OGFOD1: variants seen among roughly 807,000 people sequenced by gnomAD.
The protein encoded by OGFOD1 is 2-oxoglutarate and iron dependent oxygenase domain containing 1, also known as prolyl 3-hydroxylase OGFOD1.
In OGFOD1, 54 loss-of-function variants were observed where a neutral mutation model predicts 67.7. That is an observed-to-expected ratio of 0.80 (90% CI 0.64 to 1.00). The LOEUF is 1.00. Among genes scored for constraint, OGFOD1 ranks in the 50% least tolerant of loss-of-function variants. OGFOD1 has a pLI of 0.00. For missense variants in OGFOD1, 606 were observed against 646.7 expected (o/e 0.94, Z 0.68); for synonymous variants, 221 against 227.0 (o/e 0.97, Z 0.24).
intron 3 of OGFOD1, among the ~76,000 whole-genome samples, chr16:56,461,253 A>C (rs1252357466): frequency 2.0e-5 from 3 of 152,200 alleles, no homozygotes; most frequent in Admixed American, 6.5e-5. Flanking sequence ...ACTAATAGCC[A>C]ATCACTTAAT....
At chr16:56,454,890 T>C in intron 2 of OGFOD1, 1 of 322,834 alleles carries the variant, frequency 3.1e-6, no homozygotes, top group Non-Finnish European at 6.2e-6. Flanking sequence ...TCTTAATAAT[T>C]CAGAAAGCTG....
intron 2 of OGFOD1, chr16:56,458,334 A>C: frequency 1.8e-6 from 1 of 564,966 alleles, no homozygotes; most frequent in Non-Finnish European, 3.2e-6. Context: ...TAACGACTTA[A>C]GTATTTGTTT....
At chr16:56,459,830 T>C (rs1341205030) in intron 3 of OGFOD1, among the ~76,000 whole-genome samples, 1 of 152,188 alleles carries the variant, frequency 6.6e-6, no homozygotes, top group Non-Finnish European at 1.5e-5. Flanking sequence ...GTGTATAAAG[T>C]AAAAGATTTG....
chr16:56,473,848 CCAGGCT>C (rs1420618862), intron 10 of OGFOD1, among the ~76,000 whole-genome samples: 1 of 151,928 alleles, frequency 6.6e-6, no homozygotes, highest in African/African-American at 2.4e-5. Context: ...GCTCTGTCAC[CCAGGCT>C]GGAGTACAGT....
chr16:56,470,153 TG>T, intron 9 of OGFOD1, 71 bp downstream of exon 9: 1 of 1,372,162 alleles, frequency 7.3e-7, no homozygotes, highest in East Asian at 2.3e-5. Flanking sequence ...ACTAGTAAAA[TG>T]ACAAAAAGCC....
intron 5 of OGFOD1, 26 bp from the exon 6 acceptor site, chr16:56,466,850 T>C (rs1390475596): frequency 1.9e-6 from 3 of 1,543,826 alleles, no homozygotes; most frequent in South Asian, 2.2e-5. Flanking sequence ...AATGATAATT[T>C]ATTGATGTGT....
At chr16:56,468,522 G>C (rs1962998818) in intron 8 of OGFOD1, among the ~76,000 whole-genome samples, 1 of 152,088 alleles carries the variant, frequency 6.6e-6, no homozygotes, top group South Asian at 2.1e-4. Context: ...AGGAGTTCAA[G>C]ACCAGCCTGG....
intron 4 of OGFOD1, among the ~76,000 whole-genome samples, chr16:56,464,756 A>G (rs977709719): frequency 7.2e-5 from 11 of 151,898 alleles, no homozygotes; most frequent in African/African-American, 2.7e-4. Context: ...AAGATTTTCC[A>G]AGCTTATCTT....
chr16:56,457,819 G>A lies in OGFOD1; in HGVS notation c.301-729G>A, dbSNP rs1349380820. On this transcript the variant is annotated intron_variant, in intron 2 of 12. Coordinates refer to ENST00000566157, the MANE Select transcript of OGFOD1 (RefSeq NM_018233.4). ...CTCAGCCTCCCGAGTAGCTGGAATT[G>A]CAGGCATGCACCACCACGCCTGGCT... 2.0e-5 allele frequency among the ~76,000 whole-genome samples: 3 copies of A among 151,964 alleles called. No homozygotes were observed. In the East Asian group the frequency reaches 5.8e-4, roughly 29 times the overall value.
chr16:56,476,297 G>A lies in OGFOD1; in HGVS notation c.*92G>A. The A allele has an allele frequency of 5.0e-6, 6 of 1,203,682 alleles. No homozygotes were observed. The highest frequency in any genetic ancestry group is 5.8e-6 in the Non-Finnish European group (5 of 860,628). 74.6% of individuals were successfully genotyped at this position (1,203,682 alleles called of 1,614,324 possible). On this transcript the variant is annotated 3_prime_UTR_variant, in exon 13 of 13. Transcript: ENST00000566157. ...GCATGGAGTCAAGGAGAACTACATG[G>A]TAGCTTGCCTGACAGTGTTCTTAAA... is the stretch of plus-strand genomic sequence containing the variant.
intron 2 of OGFOD1, among the ~76,000 whole-genome samples, chr16:56,457,914 A>C (rs1962579806): frequency 6.6e-6 from 1 of 152,090 alleles, no homozygotes. Flanking sequence ...TCCTGACCTC[A>C]TGATCTGCCC....
At chr16:56,470,933 C>G (rs1402186072) in intron 10 of OGFOD1, 142 bp downstream of exon 10, 4 of 801,306 alleles carry the variant, frequency 5.0e-6, no homozygotes, top group Non-Finnish European at 3.9e-6. Context: ...GACAAGGTCT[C>G]TGGTCTTTGG....
chr16:56,466,368 C>A (rs1289394747), intron 5 of OGFOD1, 100 bp downstream of exon 5: 1 of 722,206 alleles, frequency 1.4e-6, no homozygotes, highest in Non-Finnish European at 2.4e-6. Flanking sequence ...TGTCTGTACT[C>A]CTCAAAGGAA....
chr16:56,459,127 G>C (rs1181747624), intron 3 of OGFOD1, among the ~76,000 whole-genome samples: 1 of 152,096 alleles, frequency 6.6e-6, no homozygotes, highest in Non-Finnish European at 1.5e-5. Context: ...GATCACCTGA[G>C]GTCAGGAGTT....
chr16:56,452,223 C>T (rs1318366496), intron 1 of OGFOD1: 1 of 158,442 alleles, frequency 6.3e-6, no homozygotes. Context: ...GAGTAAGGCC[C>T]AATACACATG....
intron 3 of OGFOD1, chr16:56,458,892 T>C: frequency 5.4e-6 from 2 of 371,174 alleles, no homozygotes; most frequent in South Asian, 5.7e-5. Flanking sequence ...ACATGTTAGG[T>C]TGGTAAATAT....
intron 4 of OGFOD1, among the ~76,000 whole-genome samples, chr16:56,464,370 G>A (rs1962825367): frequency 6.6e-6 from 1 of 152,028 alleles, no homozygotes; most frequent in African/African-American, 2.4e-5. Flanking sequence ...TATATTTTGT[G>A]GGGAGATACT....
At chr16:56,458,487 C>G in intron 2 of OGFOD1, 61 bp from the exon 3 acceptor site, 3 of 1,469,928 alleles carry the variant, frequency 2.0e-6, no homozygotes, top group Non-Finnish European at 1.9e-6. Flanking sequence ...CTAAACTGCT[C>G]TCCTTTGTGT....
intron 1 of OGFOD1, 118 bp downstream of exon 1, chr16:56,451,884 G>A: frequency 8.4e-7 from 1 of 1,192,934 alleles, no homozygotes. Flanking sequence ...GCTCTTAGAG[G>A]ACTTTGGCCA....
Sources: gnomAD v4.1 joint callset for allele counts (sites outside exome capture counted in the v4.1 genomes callset) on GRCh38, gnomAD v4.1.1 for gene constraint, MANE v1.5 for transcripts, NCBI Gene and HGNC (gene_info 2026-07-23, HGNC 2026-07-21) for gene names.